TMEM156: variants seen among roughly 807,000 people sequenced by gnomAD.
The protein encoded by TMEM156 is transmembrane protein 156.
Under a neutral mutation model 30.5 loss-of-function variants are expected in TMEM156, and 28 were observed. That is an observed-to-expected ratio of 0.92 (90% CI 0.68 to 1.26). TMEM156 has a LOEUF of 1.26. Among genes scored for constraint, TMEM156 ranks in the 50% most tolerant of loss-of-function variants. The pLI is 0.00. For missense variants in TMEM156, 351 were observed against 340.6 expected, an observed-to-expected ratio of 1.03 and a Z score of -0.24; for synonymous variants, 137 against 119.9, an observed-to-expected ratio of 1.14 and a Z score of -0.93.
Position 38,990,679 on chromosome 4 carries a change from A to C in TMEM156, c.620-1709T>G, listed in dbSNP as rs186381581. 2.9e-4 allele frequency among the ~76,000 whole-genome samples: 44 copies of C among 152,056 alleles called. No homozygotes were observed. The East Asian group carries it at 8.3e-3, about 29-fold the overall frequency. ...GGGAAACAGACAGAAATCTGGGGGGAACATCGAGGAACAGTTTAAATTATT... is the reference window on the plus strand; with the variant it reads ...GGGAAACAGACAGAAATCTGGGGGGCACATCGAGGAACAGTTTAAATTATT... On this transcript the variant is annotated intron_variant, in intron 3 of 6. Transcript: ENST00000381938.
chr4:39,006,406 A>T (rs1713740579), intron 1 of TMEM156, among the ~76,000 whole-genome samples: 1 of 151,846 alleles, frequency 6.6e-6, no homozygotes, highest in South Asian at 2.1e-4. Context: ...AATTCTCTAC[A>T]TTTTTTATCA....
chr4:39,021,780 T>G (rs1714887127), intron 1 of TMEM156, among the ~76,000 whole-genome samples: 1 of 152,246 alleles, frequency 6.6e-6, no homozygotes, highest in South Asian at 2.1e-4. Flanking sequence ...GGTCTTCAAG[T>G]CTTTAATCCA....
chr4:38,978,616 T>C (rs1001163233), intron 5 of TMEM156, among the ~76,000 whole-genome samples: 16 of 152,176 alleles, frequency 1.1e-4, no homozygotes, highest in African/African-American at 3.4e-4. Flanking sequence ...GGTCCTCTGA[T>C]TTTAATCTAT....
Position 39,031,894 on chromosome 4 carries a change from A to T in TMEM156, c.88+332T>A, listed in dbSNP as rs578192661. ...ACTCCATCTCAAAAAAAAAAAATAAAAAATAAAAAAATAAAAAAAAACTGC... is the reference window on the plus strand; with the variant it reads ...ACTCCATCTCAAAAAAAAAAAATAATAAATAAAAAAATAAAAAAAAACTGC... On this transcript the variant is annotated intron_variant, in intron 1 of 6. Coordinates refer to ENST00000381938, the MANE Select transcript of TMEM156 (RefSeq NM_024943.3). Among the ~76,000 whole-genome samples the T allele has an allele frequency of 1.7e-3, 205 of 120,430 alleles. 11 individuals carry two copies. The highest frequency in any genetic ancestry group is 5.4e-3 in the African/African-American group (194 of 35,910). 79.0% of individuals were successfully genotyped at this position (120,430 alleles called of 152,430 possible).
chr4:38,999,816 G>T (rs1285591282), intron 1 of TMEM156, among the ~76,000 whole-genome samples: 1 of 152,108 alleles, frequency 6.6e-6, no homozygotes, highest in Non-Finnish European at 1.5e-5. Context: ...TCTCCTCTGT[G>T]TCTCTGTTTC....
At chr4:39,016,047 T>C (rs1714459513) in intron 1 of TMEM156, among the ~76,000 whole-genome samples, 1 of 152,184 alleles carries the variant, frequency 6.6e-6, no homozygotes, top group Non-Finnish European at 1.5e-5. Context: ...CATATGAATC[T>C]TTCCAGTGGT....
At chr4:38,970,709 T>G (rs1426310040) in intron 6 of TMEM156, among the ~76,000 whole-genome samples, 1 of 152,150 alleles carries the variant, frequency 6.6e-6, no homozygotes, top group Non-Finnish European at 1.5e-5. Flanking sequence ...TTTACACATC[T>G]CATTCTCTAT....
rs1040551355 is a variant in TMEM156, at chr4:38,976,057, C to T, written c.824-4920G>A. 5.3e-5 allele frequency among the ~76,000 whole-genome samples: 8 copies of T among 151,956 alleles called. No individual in the cohort carries two copies. The East Asian group carries it at 7.8e-4, about 15-fold the overall frequency. On this transcript the variant is annotated intron_variant, in intron 5 of 6. Transcript: ENST00000381938. ...ATCCCAGCACTTCGGGAGGCCAAGG[C>T]GGGAGGATCACCCGAGGTCAGGAGA...
chr4:39,010,432 AC>A (rs1339219139), intron 1 of TMEM156, among the ~76,000 whole-genome samples: 6 of 152,152 alleles, frequency 3.9e-5, no homozygotes, highest in Non-Finnish European at 8.8e-5. Flanking sequence ...CACCACACAC[AC>A]AAAATAGCCA....
Position 38,966,974 on chromosome 4 carries a change from G to C in TMEM156, c.*706C>G, listed in dbSNP as rs1464356183. 6.6e-6 allele frequency: 1 copy of C among 151,778 alleles called. No individual in the cohort carries two copies. Among genetic ancestry groups the C allele is most frequent in the Non-Finnish European group, 1.5e-5 (1 of 67,970 alleles). The allele number at this position is 151,778 out of a possible 1,614,324, so 9.4% of individuals were successfully genotyped here. A position where few individuals can be genotyped will look rare whatever the true frequency, so the allele number is the denominator to read the frequency against. Reference sequence around the variant, plus strand: ...GCACCACCACACCCAGCTAATTTTTGTGTTTTTAGTAGAGACAGGGTTTCA... The same window carrying C: ...GCACCACCACACCCAGCTAATTTTTCTGTTTTTAGTAGAGACAGGGTTTCA... On this transcript the variant is annotated 3_prime_UTR_variant, in exon 7 of 7. Transcript: ENST00000381938.
intron 5 of TMEM156, among the ~76,000 whole-genome samples, chr4:38,978,986 T>C (rs938051107): frequency 2.0e-5 from 3 of 152,196 alleles, no homozygotes; most frequent in South Asian, 2.1e-4. Flanking sequence ...CAACATCTGT[T>C]TCCTGTGATT....
chr4:38,991,689 A>G (rs891156032), intron 3 of TMEM156, among the ~76,000 whole-genome samples: 12 of 152,022 alleles, frequency 7.9e-5, no homozygotes, highest in African/African-American at 2.7e-4. Context: ...ACACACAAAA[A>G]TCTTAAAATT....
chr4:38,990,837 T>TG (rs1560365346), intron 3 of TMEM156, among the ~76,000 whole-genome samples: 8 of 129,180 alleles, frequency 6.2e-5, no homozygotes, highest in African/African-American at 8.7e-5. Flanking sequence ...CTGGTTTTTT[T>TG]TTTTTTTTTT....
Position 38,967,414 on chromosome 4 carries a change from C to A in TMEM156, c.*266G>T, listed in dbSNP as rs116088704. ...CTCTTGCTGTTTCCATGGGTTTCAT[C>A]ATCTTTTTTTCCATGACTCATAATG... is the stretch of plus-strand genomic sequence containing the variant. On this transcript the variant is annotated 3_prime_UTR_variant, in exon 7 of 7. Transcript: ENST00000381938. 2,492 of 152,170 alleles carry A rather than the reference C, an allele frequency of 0.016. 28 individuals are homozygous for A. The highest frequency in any genetic ancestry group is 0.088 in the Middle Eastern group (26 of 294). The allele number at this position is 152,170 out of a possible 1,614,324, so 9.4% of individuals were successfully genotyped here. A position where few individuals can be genotyped will look rare whatever the true frequency, so the allele number is the denominator to read the frequency against.
intron 4 of TMEM156, among the ~76,000 whole-genome samples, chr4:38,988,085 G>C (rs1232427191): frequency 1.3e-5 from 2 of 152,132 alleles, no homozygotes; most frequent in Middle Eastern, 3.4e-3. Context: ...TATTTTTAAC[G>C]TTGCTCCTAC....
intron 5 of TMEM156, among the ~76,000 whole-genome samples, chr4:38,981,717 A>G (rs1711565938): frequency 6.6e-6 from 1 of 152,192 alleles, no homozygotes; most frequent in Non-Finnish European, 1.5e-5. Flanking sequence ...TTTGAAATCA[A>G]ATGAAATGAT....
intron 1 of TMEM156, among the ~76,000 whole-genome samples, chr4:39,018,791 T>TCCCA (rs1226530466): frequency 6.6e-6 from 1 of 152,086 alleles, no homozygotes; most frequent in East Asian, 1.9e-4. Context: ...GAGGCCAAGG[T>TCCCA]GGGCAGATCA....
chr4:38,993,781 A>T lies in TMEM156; in HGVS notation c.576T>A (p.Asn192Lys), dbSNP rs140187810. The change falls in exon 3 of 7, where the codon AAT (asparagine) becomes AAA (lysine). Residue 192 changes from asparagine to lysine, a missense_variant. Asn to Lys is a moderately conservative substitution (Grantham distance 94). Transcript: ENST00000381938. ...GGTGCAAAGAAATGTGTATACAATCATTCGGGTATTCCATGATTCTACAAG... is the reference window on the plus strand; with the variant it reads ...GGTGCAAAGAAATGTGTATACAATCTTTCGGGTATTCCATGATTCTACAAG... ...NYTCRIMEYP[N>K]DCIHISLHLE... 764 of 1,613,702 alleles carry T rather than the reference A, an allele frequency of 4.7e-4. 4 individuals carry two copies. In the African/African-American group the frequency reaches 8.9e-3, roughly 19 times the overall value.
At chr4:39,008,622 A>G (rs1195374808) in intron 1 of TMEM156, among the ~76,000 whole-genome samples, 1 of 152,172 alleles carries the variant, frequency 6.6e-6, no homozygotes, top group African/African-American at 2.4e-5. Flanking sequence ...CTTAAAAAAT[A>G]AGTTGAATAC....
Sources: allele counts gnomAD v4.1 joint callset (sites outside exome capture counted in the v4.1 genomes callset), GRCh38; gene constraint gnomAD v4.1.1; transcripts MANE v1.5; gene names NCBI Gene and HGNC (gene_info 2026-07-23, HGNC 2026-07-21).